Variants in LNX1 observed in about 807,000 individuals in gnomAD.
LNX1 encodes ligand of numb-protein X 1.
LNX1 carries 54 observed loss-of-function variants against 68.4 expected under a neutral mutation model. That is an observed-to-expected ratio of 0.79 (90% confidence interval 0.63 to 0.99). The LOEUF (loss-of-function observed/expected upper bound fraction) is 0.99. Ranked by LOEUF, LNX1 falls within the 50% of genes least tolerant of loss-of-function variation. LNX1 has a pLI of 0.00. For missense variants in LNX1, 906 were observed against 926.4 expected, an observed-to-expected ratio of 0.98 and a Z score of 0.29; for synonymous variants, 336 against 350.0, an observed-to-expected ratio of 0.96 and a Z score of 0.45.
chr4:53,602,509 G>T (rs557227312), intron 2 of LNX1, among the ~76,000 whole-genome samples: 1 of 152,288 alleles, frequency 6.6e-6, no homozygotes, highest in South Asian at 2.1e-4. Flanking sequence ...CACCTTGAAG[G>T]GTGGCTTGCT....
At chr4:53,481,365 G>A (rs1579382184) in intron 7 of LNX1, among the ~76,000 whole-genome samples, 1 of 152,170 alleles carries the variant, frequency 6.6e-6, no homozygotes, top group South Asian at 2.1e-4. Flanking sequence ...TCAAAAGCCA[G>A]AAACCAGGCA....
intron 9 of LNX1, among the ~76,000 whole-genome samples, chr4:53,465,873 G>C (rs1207893535): frequency 6.6e-6 from 1 of 152,164 alleles, no homozygotes; most frequent in South Asian, 2.1e-4. Flanking sequence ...TTGGCAATGT[G>C]TATACACATT....
chr4:53,472,016 T>C (rs1723224234), intron 9 of LNX1, among the ~76,000 whole-genome samples: 1 of 152,226 alleles, frequency 6.6e-6, no homozygotes, highest in Non-Finnish European at 1.5e-5. Context: ...TAAATCATGC[T>C]ACTATAAAGA....
At chr4:53,631,219 G>A (rs1164951666) in intron 1 of LNX1, among the ~76,000 whole-genome samples, 1 of 152,178 alleles carries the variant, frequency 6.6e-6, no homozygotes, top group Non-Finnish European at 1.5e-5. Context: ...GAAGGATCGG[G>A]AGTGGGGTGG....
chr4:53,629,398 G>A (rs1734188362), intron 1 of LNX1, among the ~76,000 whole-genome samples: 1 of 151,958 alleles, frequency 6.6e-6, no homozygotes, highest in Non-Finnish European at 1.5e-5. Flanking sequence ...AGGCAGACTT[G>A]CAGTGCTAAG....
At chr4:53,532,632 T>C (rs141148300) in intron 2 of LNX1, among the ~76,000 whole-genome samples, 3 of 152,286 alleles carry the variant, frequency 2.0e-5, no homozygotes, top group East Asian at 3.9e-4. Flanking sequence ...CTCATGCCAG[T>C]TGGAAAATAA....
chr4:53,628,469 T>G (rs1367615198), intron 1 of LNX1, among the ~76,000 whole-genome samples: 1 of 152,034 alleles, frequency 6.6e-6, no homozygotes, highest in Non-Finnish European at 1.5e-5. Flanking sequence ...GAATGACCAT[T>G]ATTAAGAGGT....
intron 4 of LNX1, among the ~76,000 whole-genome samples, chr4:53,499,782 C>A (rs528428077): frequency 5.3e-5 from 8 of 152,292 alleles, no homozygotes; most frequent in East Asian, 1.9e-4. Flanking sequence ...ATGGAAGAGG[C>A]CTGATTCATG....
chr4:53,509,298 T>A (rs1377412915), intron 2 of LNX1, among the ~76,000 whole-genome samples: 1 of 152,230 alleles, frequency 6.6e-6, no homozygotes, highest in Non-Finnish European at 1.5e-5. Flanking sequence ...TTCTTATCAA[T>A]TCATTACTCA....
chr4:53,621,647 C>T (rs1196637534), upstream of LNX1, among the ~76,000 whole-genome samples: 1 of 152,134 alleles, frequency 6.6e-6, no homozygotes, highest in Non-Finnish European at 1.5e-5. Context: ...CAGAATCAGA[C>T]AATCAGACAG....
At chr4:53,487,022 C>T (rs1724354324) in intron 6 of LNX1, among the ~76,000 whole-genome samples, 1 of 152,220 alleles carries the variant, frequency 6.6e-6, no homozygotes, top group Admixed American at 6.5e-5. Flanking sequence ...GCCAAGCAAG[C>T]ATCTTCCTTT....
intron 1 of LNX1, among the ~76,000 whole-genome samples, chr4:53,637,021 T>C (rs1734504986): frequency 6.6e-6 from 1 of 151,742 alleles, no homozygotes; most frequent in Non-Finnish European, 1.5e-5. Context: ...TCTTGGGTTA[T>C]ATTAATAGTT....
At position 53,491,792 on chromosome 4, in the gene LNX1, C is replaced by CTTTTT. The variant is rs149789223; in HGVS notation, c.1350+4226_1350+4230dup. On this transcript the variant is annotated intron_variant, in intron 6 of 10. Coordinates refer to ENST00000263925, the MANE Select transcript of LNX1 (RefSeq NM_001126328.3). Reference sequence around the variant, plus strand: ...TGCTTTAAGTGCTGAGGATACGATACTTTTTTTTGTTTGTTTGTTTTTTGA... The same window carrying CTTTTT: ...TGCTTTAAGTGCTGAGGATACGATACTTTTTTTTTTTTTGTTTGTTTGTTTTTTGA... 8.0e-5 allele frequency among the ~76,000 whole-genome samples: 5 copies of CTTTTT among 62,252 alleles called. 1 individual carries two copies. Among genetic ancestry groups the CTTTTT allele is most frequent in the Non-Finnish European group, 8.9e-5 (2 of 22,376 alleles). 40.8% of individuals were successfully genotyped at this position (62,252 alleles called of 152,430 possible). A position where few individuals can be genotyped will look rare whatever the true frequency, so the allele number is the denominator to read the frequency against.
chr4:53,593,676 T>C (rs1668450349), upstream of LNX1, among the ~76,000 whole-genome samples: 2 of 152,186 alleles, frequency 1.3e-5, no homozygotes, highest in South Asian at 2.1e-4. Context: ...ATGGGCTTTT[T>C]TTTTGGGCCA....
chr4:53,487,694 A>G (rs1159912928), intron 6 of LNX1, among the ~76,000 whole-genome samples: 1 of 152,248 alleles, frequency 6.6e-6, no homozygotes, highest in Non-Finnish European at 1.5e-5. Flanking sequence ...GCCCCTTGTT[A>G]CAGAAACAGG....
At chr4:53,464,852 A>G (rs1289737598) in intron 9 of LNX1, among the ~76,000 whole-genome samples, 1 of 152,158 alleles carries the variant, frequency 6.6e-6, no homozygotes, top group Non-Finnish European at 1.5e-5. Flanking sequence ...ATAGCCAATT[A>G]CAACAATTTG....
At chr4:53,588,529 C>T (rs1315129236) in intron 1 of LNX1, among the ~76,000 whole-genome samples, 1 of 152,088 alleles carries the variant, frequency 6.6e-6, no homozygotes, top group Non-Finnish European at 1.5e-5. Context: ...GTAGCATTGC[C>T]CCACCTAGAA....
At chr4:53,642,368 C>A (rs1344102014) in intron 1 of LNX1, among the ~76,000 whole-genome samples, 17 of 151,400 alleles carry the variant, frequency 1.1e-4, no homozygotes, top group Admixed American at 1.1e-3. Flanking sequence ...TGCTTTTGAA[C>A]ATATTAAAAA....
At chr4:53,593,783 T>C (rs1209780484), upstream of LNX1, 1 of 152,220 alleles carries the variant, frequency 6.6e-6, no homozygotes, top group Non-Finnish European at 1.5e-5. Flanking sequence ...GTGCTACTTA[T>C]TGTTCTGAGC....
Sources: allele counts gnomAD v4.1 joint callset (sites outside exome capture counted in the v4.1 genomes callset), GRCh38; gene constraint gnomAD v4.1.1; transcripts MANE v1.5; gene names NCBI Gene and HGNC (gene_info 2026-07-23, HGNC 2026-07-21).